The following GUCY1A2 variants were observed in gnomAD, a reference collection of about 807,000 sequenced individuals.
GUCY1A2 encodes guanylate cyclase soluble subunit alpha-2.
GUCY1A2 carries 27 observed loss-of-function variants against 63.5 expected under a neutral mutation model. The ratio of observed to expected loss-of-function variants is 0.43; its 90% CI spans 0.31 to 0.59. GUCY1A2 has a LOEUF of 0.59. Ranked by LOEUF, GUCY1A2 falls within the 20% of genes least tolerant of loss-of-function variation. The probability of loss-of-function intolerance (pLI) is 0.11; values close to 1 mark genes in which losing one functional copy is unlikely to be tolerated. For missense variants in GUCY1A2, 768 were observed against 913.3 expected, an observed-to-expected ratio of 0.84 and a Z score of 2.05; for synonymous variants, 364 against 343.5, an observed-to-expected ratio of 1.06 and a Z score of -0.66.
At position 106,940,152 on chromosome 11, in the gene GUCY1A2, T is replaced by C; in HGVS notation, c.514A>G (p.Arg172Gly). ...LGLKFEEIQK[R>G]FGEEFFNICF... ...ATATTAAAGAACTCTTCACCAAATC[T>C]TTTTTGAATTTCCTCAAACTTCAAA... The change falls in exon 4 of 8, where the codon AGA becomes GGA. Residue 172 changes from arginine to glycine, a missense_variant. By Grantham distance (125) the Arg-to-Gly change is moderately radical. Transcript: ENST00000526355. 1 of 1,587,370 alleles carries C rather than the reference T, an allele frequency of 6.3e-7. No individual in the cohort carries two copies.
chr11:106,991,137 G>A (rs1050925485), intron 1 of GUCY1A2, among the ~76,000 whole-genome samples: 2 of 151,278 alleles, frequency 1.3e-5, no homozygotes, highest in African/African-American at 4.9e-5. Flanking sequence ...TTACAGGTGC[G>A]TGCCACCATG....
Position 106,685,573 on chromosome 11 carries a change from T to C in GUCY1A2, c.*1976A>G, listed in dbSNP as rs1332539472. ...TCTAAGTTACTGAAGACAATAGGCA[T>C]AAATGACATCAGTGAGCTTGTTCCC... On this transcript the variant is annotated 3_prime_UTR_variant, in exon 8 of 8. Coordinates refer to ENST00000526355, the MANE Select transcript of GUCY1A2 (RefSeq NM_000855.3). The C allele has an allele frequency of 1.3e-5, 3 of 227,718 alleles. No individual in the cohort carries two copies. The Admixed American group carries it at 1.7e-4, about 13-fold the overall frequency. 14.1% of individuals were successfully genotyped at this position (227,718 alleles called of 1,614,324 possible). A position where few individuals can be genotyped will look rare whatever the true frequency, so the allele number is the denominator to read the frequency against.
intron 3 of GUCY1A2, among the ~76,000 whole-genome samples, chr11:106,954,750 A>G (rs1860959165): frequency 6.6e-6 from 1 of 152,036 alleles, no homozygotes; most frequent in South Asian, 2.1e-4. Flanking sequence ...TCCCCTTACC[A>G]TTGTATAATA....
chr11:106,802,263 T>C (rs890903175), intron 5 of GUCY1A2, among the ~76,000 whole-genome samples: 7 of 152,292 alleles, frequency 4.6e-5, no homozygotes, highest in African/African-American at 1.4e-4. Flanking sequence ...TAAAGGCAAG[T>C]TGTTCATACT....
At chr11:106,897,838 T>TA (rs1201916116) in intron 4 of GUCY1A2, among the ~76,000 whole-genome samples, 5 of 151,898 alleles carry the variant, frequency 3.3e-5, no homozygotes, top group African/African-American at 9.7e-5. Flanking sequence ...ATGATGTATT[T>TA]AAAAAAATTG....
intron 4 of GUCY1A2, among the ~76,000 whole-genome samples, chr11:106,883,239 G>C (rs1470942169): frequency 6.6e-6 from 1 of 152,028 alleles, no homozygotes; most frequent in African/African-American, 2.4e-5. Context: ...CTGATGATTT[G>C]ACATTGATCT....
At chr11:106,932,055 C>T (rs1450064522) in intron 4 of GUCY1A2, among the ~76,000 whole-genome samples, 1 of 151,688 alleles carries the variant, frequency 6.6e-6, no homozygotes, top group Non-Finnish European at 1.5e-5. Flanking sequence ...AAGCTACTGG[C>T]TAAAATGATT....
intron 4 of GUCY1A2, among the ~76,000 whole-genome samples, chr11:106,875,854 T>C (rs1859741751): frequency 4.6e-5 from 7 of 152,126 alleles, no homozygotes; most frequent in Admixed American, 4.6e-4. Flanking sequence ...CTATTATGCA[T>C]GCAGTCCTTT....
In GUCY1A2 at chr11:106,809,913, TTAAG is replaced by T. The variant is rs1858741530; in HGVS notation, c.1692+76_1692+79del. On this transcript the variant is annotated intron_variant, in intron 5 of 7. Transcript: ENST00000526355. ...AGTTGTCAATTATTTAGTATCAAGT[TTAAG>T]TAAAAAAATCAATTTAATTCACATG... 9 of 913,448 alleles carry T rather than the reference TTAAG, an allele frequency of 9.9e-6. No homozygotes were observed. In the South Asian group the frequency reaches 1.5e-4, roughly 15 times the overall value. The allele number at this position is 913,448 out of a possible 1,614,324, so 56.6% of individuals were successfully genotyped here. A position where few individuals can be genotyped will look rare whatever the true frequency, so the allele number is the denominator to read the frequency against.
chr11:106,704,861 T>C (rs1188951710), intron 7 of GUCY1A2, among the ~76,000 whole-genome samples: 1 of 150,502 alleles, frequency 6.6e-6, no homozygotes, highest in East Asian at 1.9e-4. Context: ...ATATATTATA[T>C]GCAGTAAAGT....
intron 4 of GUCY1A2, among the ~76,000 whole-genome samples, chr11:106,825,858 G>A (rs1858962392): frequency 6.6e-6 from 1 of 152,132 alleles, no homozygotes; most frequent in Non-Finnish European, 1.5e-5. Context: ...TTCGACCCGT[G>A]GGCTAGAGTT....
Position 106,985,415 on chromosome 11 carries a change from T to A in GUCY1A2, c.365+655A>T, listed in dbSNP as rs530542601. Among the ~76,000 whole-genome samples the A allele has an allele frequency of 5.3e-5, 8 of 152,352 alleles. No individual in the cohort carries two copies. The South Asian group carries it at 1.7e-3, about 32-fold the overall frequency. ...TCATACTCATTTGGAGCTCTCTGTT[T>A]ACAAAATGCTTTCATTGAAATTACC... is the stretch of plus-strand genomic sequence containing the variant. On this transcript the variant is annotated intron_variant, in intron 2 of 7. Coordinates refer to ENST00000526355, the MANE Select transcript of GUCY1A2 (RefSeq NM_000855.3).
At position 106,714,016 on chromosome 11, in the gene GUCY1A2, C is replaced by T. The variant is rs191782442; in HGVS notation, c.1837-5350G>A. 9.5e-3 allele frequency among the ~76,000 whole-genome samples: 1,392 copies of T among 146,860 alleles called. 27 individuals are homozygous for T. The highest frequency in any genetic ancestry group is 0.033 in the African/African-American group (1,287 of 39,296). On this transcript the variant is annotated intron_variant, in intron 6 of 7. Coordinates refer to ENST00000526355, the MANE Select transcript of GUCY1A2 (RefSeq NM_000855.3). ...ACATTTTACACTCTTTTTTTCTTTT[C>T]TTTCTGTTAAAAAAAAAAAACAAAC...
At position 106,679,779 on chromosome 11, in the gene GUCY1A2, A is replaced by C. The variant is rs1331807006; in HGVS notation, c.*7770T>G. On this transcript the variant is annotated 3_prime_UTR_variant, in exon 8 of 8. Transcript: ENST00000526355. Reference sequence around the variant, plus strand: ...GGCCTTCTTTGTTCCTTCAACCCAGATGTTCTGACACTTTCATTTACCTTA... The same window carrying C: ...GGCCTTCTTTGTTCCTTCAACCCAGCTGTTCTGACACTTTCATTTACCTTA... 4.6e-6 allele frequency: 1 copy of C among 218,106 alleles called. No individual in the cohort carries two copies. The highest frequency in any genetic ancestry group is 9.2e-6 in the Non-Finnish European group (1 of 108,652). 13.5% of individuals were successfully genotyped at this position (218,106 alleles called of 1,614,324 possible).
intron 4 of GUCY1A2, among the ~76,000 whole-genome samples, chr11:106,912,532 C>T (rs1860309715): frequency 1.3e-5 from 2 of 152,054 alleles, no homozygotes; most frequent in Non-Finnish European, 2.9e-5. Context: ...GTAGTATCTT[C>T]CATCTACAGA....
chr11:106,949,796 C>G (rs1824001), intron 3 of GUCY1A2, among the ~76,000 whole-genome samples: 137,534 of 152,246 alleles, frequency 0.9, 62,212 homozygotes, highest in East Asian at 1. Flanking sequence ...TCCAGAAAGA[C>G]AAACTATGGA....
chr11:106,704,563 T>C (rs992775100), intron 7 of GUCY1A2, among the ~76,000 whole-genome samples: 3 of 152,136 alleles, frequency 2.0e-5, no homozygotes, highest in Non-Finnish European at 2.9e-5. Flanking sequence ...GAAAGAAGCC[T>C]TTCACAGTCA....
intron 6 of GUCY1A2, among the ~76,000 whole-genome samples, chr11:106,743,160 T>G (rs1352329483): frequency 6.6e-6 from 1 of 152,198 alleles, no homozygotes; most frequent in Non-Finnish European, 1.5e-5. Flanking sequence ...CACTACTGCC[T>G]GAGCTCAGGC....
chr11:106,926,210 A>G (rs538494937), intron 4 of GUCY1A2, among the ~76,000 whole-genome samples: 10 of 152,140 alleles, frequency 6.6e-5, no homozygotes, highest in Non-Finnish European at 1.5e-4. Context: ...ACTTGAGGCC[A>G]GGAGTTCTAG....
Sources: allele counts gnomAD v4.1 joint callset (sites outside exome capture counted in the v4.1 genomes callset), GRCh38; gene constraint gnomAD v4.1.1; transcripts MANE v1.5; gene names NCBI Gene and HGNC (gene_info 2026-07-23, HGNC 2026-07-21).